Variants in THEMIS observed in about 807,000 individuals in gnomAD.
The protein encoded by THEMIS is protein THEMIS.
Under a neutral mutation model 52.6 loss-of-function variants are expected in THEMIS, and 37 were observed. That is an observed-to-expected ratio of 0.70 (90% CI 0.54 to 0.93). The LOEUF is 0.93. Among genes scored for constraint, THEMIS ranks in the 40% least tolerant of loss-of-function variants. The pLI is 0.00. For missense variants in THEMIS, 808 were observed against 763.1 expected (o/e 1.06, Z -0.69); for synonymous variants, 292 against 272.7 (o/e 1.07, Z -0.70).
At chr6:127,843,436 T>G (rs938489782) in intron 2 of THEMIS, among the ~76,000 whole-genome samples, 1 of 151,998 alleles carries the variant, frequency 6.6e-6, no homozygotes, top group South Asian at 2.1e-4. Context: ...TAAATTGAGA[T>G]GTACTATAAG....
chr6:127,835,406 T>A (rs1334103449), intron 2 of THEMIS, among the ~76,000 whole-genome samples: 2 of 152,132 alleles, frequency 1.3e-5, no homozygotes, highest in Admixed American at 1.3e-4. Flanking sequence ...GAATTTAAAG[T>A]CTCAGGGCTA....
intron 1 of THEMIS, among the ~76,000 whole-genome samples, chr6:127,886,970 T>A (rs1780665181): frequency 6.6e-6 from 1 of 151,940 alleles, no homozygotes; most frequent in Non-Finnish European, 1.5e-5. Flanking sequence ...GCTCTCAGGT[T>A]AGGTAACATG....
At chr6:127,893,137 G>C (rs537994688) in intron 1 of THEMIS, among the ~76,000 whole-genome samples, 8 of 151,974 alleles carry the variant, frequency 5.3e-5, no homozygotes, top group African/African-American at 1.9e-4. Context: ...ACTTTGTAAA[G>C]TTTCAGTTTC....
chr6:127,755,097 A>G (rs886394537), intron 4 of THEMIS, among the ~76,000 whole-genome samples: 3 of 152,122 alleles, frequency 2.0e-5, no homozygotes, highest in Admixed American at 2.0e-4. Context: ...GGTCTGCTGT[A>G]TACAAGGCAT....
chr6:127,906,510 T>C lies in THEMIS; in HGVS notation c.-149-5429A>G, dbSNP rs185648133. Among the ~76,000 whole-genome samples the C allele has an allele frequency of 2.6e-5, 4 of 152,100 alleles. No homozygotes were observed. In the East Asian group the frequency reaches 5.8e-4, roughly 22 times the overall value. ...TGTTGTGATCTATCTTGAAATCAATTTGATGTAGCAATTTCACATTTAGAT... is the reference window on the plus strand; with the variant it reads ...TGTTGTGATCTATCTTGAAATCAATCTGATGTAGCAATTTCACATTTAGAT... On this transcript the variant is annotated intron_variant, in intron 1 of 6. Coordinates refer to the THEMIS transcript ENST00000368250.
At chr6:127,890,596 T>C (rs1780775021) in intron 1 of THEMIS, among the ~76,000 whole-genome samples, 1 of 152,052 alleles carries the variant, frequency 6.6e-6, no homozygotes, top group Non-Finnish European at 1.5e-5. Flanking sequence ...TTTGGAATAG[T>C]CCCAAAACAA....
chr6:127,853,629 C>G (rs549715075), intron 2 of THEMIS, among the ~76,000 whole-genome samples: 3 of 151,628 alleles, frequency 2.0e-5, no homozygotes, highest in Admixed American at 1.3e-4. Context: ...CAACCTCAGC[C>G]CAATTAAAAC....
rs1327084813 is a variant in THEMIS, at chr6:127,709,427, C to T, written c.*558G>A. ...GAATTCAAACATATTTATGACACAG[C>T]GTATTTTGTAAATACACTGTGAATG... On this transcript the variant is annotated 3_prime_UTR_variant, in exon 6 of 6. Coordinates refer to ENST00000368248, the MANE Select transcript of THEMIS (RefSeq NM_001010923.3). 3 of 151,938 alleles carry T rather than the reference C, an allele frequency of 2.0e-5. No homozygotes were observed. Among genetic ancestry groups the T allele is most frequent in the Admixed American group, 6.6e-5 (1 of 15,224 alleles). 9.4% of individuals were successfully genotyped at this position (151,938 alleles called of 1,614,324 possible).
chr6:127,697,741 T>C, the THEMIS span, among the ~76,000 whole-genome samples: 1 of 152,126 alleles, frequency 6.6e-6, no homozygotes, highest in Non-Finnish European at 1.5e-5. Context: ...TTCCTCAGGA[T>C]TTTAATGAAA....
chr6:127,888,246 A>G (rs765396102), intron 1 of THEMIS, among the ~76,000 whole-genome samples: 76 of 152,252 alleles, frequency 5.0e-4, no homozygotes, highest in Non-Finnish European at 9.3e-4. Flanking sequence ...TATTACCCAT[A>G]TAAGATTTTT....
intron 4 of THEMIS, among the ~76,000 whole-genome samples, chr6:127,784,283 T>C (rs1356064366): frequency 3.9e-5 from 6 of 152,058 alleles, no homozygotes; most frequent in Non-Finnish European, 8.8e-5. Flanking sequence ...ATACCTAATG[T>C]AGATGATGGG....
At chr6:127,869,357 C>T (rs1441374387) in intron 1 of THEMIS, among the ~76,000 whole-genome samples, 1 of 152,152 alleles carries the variant, frequency 6.6e-6, no homozygotes, top group East Asian at 1.9e-4. Flanking sequence ...CAACACAGTG[C>T]ACTATAGAGT....
At chr6:127,833,296 G>A (rs1341908573) in intron 2 of THEMIS, among the ~76,000 whole-genome samples, 1 of 152,068 alleles carries the variant, frequency 6.6e-6, no homozygotes, top group Non-Finnish European at 1.5e-5. Context: ...TTAATGATTT[G>A]CAGTTGTTAT....
intron 1 of THEMIS, among the ~76,000 whole-genome samples, chr6:127,871,371 G>A (rs988014773): frequency 6.6e-6 from 1 of 151,920 alleles, no homozygotes; most frequent in Non-Finnish European, 1.5e-5. Flanking sequence ...AAAGTTGTAG[G>A]ACATAGCTAA....
chr6:127,862,303 T>C (rs1779828580), intron 1 of THEMIS, among the ~76,000 whole-genome samples: 1 of 152,106 alleles, frequency 6.6e-6, no homozygotes, highest in Non-Finnish European at 1.5e-5. Flanking sequence ...TTCTGATTTC[T>C]ACCTTATATT....
At chr6:127,703,035 G>GTTTTTTTTTTTTTTTTTTTTTT in the THEMIS span, among the ~76,000 whole-genome samples, 7 of 82,386 alleles carry the variant, frequency 8.5e-5, no homozygotes, top group African/African-American at 1.1e-4. Context: ...TTTAGAATGA[G>GTTTTTTTTTTTTTTTTTTTTTT]TTTTTTTTTT....
chr6:127,796,711 A>G (rs1309365295), intron 4 of THEMIS, among the ~76,000 whole-genome samples: 1 of 152,202 alleles, frequency 6.6e-6, no homozygotes, highest in African/African-American at 2.4e-5. Context: ...AGAAACACTA[A>G]TATGTATAGA....
chr6:127,703,039 T>TG, the THEMIS span, among the ~76,000 whole-genome samples: 1 of 96,226 alleles, frequency 1.0e-5, no homozygotes, highest in South Asian at 3.4e-4. Flanking sequence ...GAATGAGTTT[T>TG]TTTTTTTTTT....
chr6:127,752,494 G>T (rs1401787672), intron 4 of THEMIS, among the ~76,000 whole-genome samples: 1 of 149,676 alleles, frequency 6.7e-6, no homozygotes, highest in African/African-American at 2.4e-5. Context: ...AAATACAAAA[G>T]ATCACAATGG....
Sources: allele counts gnomAD v4.1 joint callset (sites outside exome capture counted in the v4.1 genomes callset), GRCh38; gene constraint gnomAD v4.1.1; transcripts MANE v1.5; gene names NCBI Gene and HGNC (gene_info 2026-07-23, HGNC 2026-07-21).